COL25A1: variants seen among roughly 807,000 people sequenced by gnomAD.
COL25A1 encodes collagen alpha-1(XXV) chain.
Under a neutral mutation model 128.4 loss-of-function variants are expected in COL25A1, and 103 were observed. The ratio of observed to expected loss-of-function variants is 0.80; its 90% CI spans 0.68 to 0.94. The LOEUF (loss-of-function observed/expected upper bound fraction) is 0.94. Ranked by LOEUF, COL25A1 falls within the 40% of genes least tolerant of loss-of-function variation. The probability of loss-of-function intolerance (pLI) is 0.00; values close to 1 mark genes in which losing one functional copy is unlikely to be tolerated. For missense variants in COL25A1, 745 were observed against 840.0 expected (o/e 0.89, Z 1.40); for synonymous variants, 279 against 277.2 (o/e 1.01, Z -0.06).
At chr4:109,297,993 C>T (rs1024709004) in intron 3 of COL25A1, among the ~76,000 whole-genome samples, 3 of 147,008 alleles carry the variant, frequency 2.0e-5, no homozygotes, top group African/African-American at 7.5e-5. Context: ...TATCCAGGTC[C>T]AAAACCTATA....
At chr4:109,293,686 C>G (rs1250413685) in intron 3 of COL25A1, among the ~76,000 whole-genome samples, 2 of 152,046 alleles carry the variant, frequency 1.3e-5, no homozygotes, top group African/African-American at 4.8e-5. Context: ...CAAATAAGGT[C>G]TACATCTACT....
rs58240378 is a variant in COL25A1, at chr4:108,873,522, CTAGTAGTAG to C, written c.1021-4381_1021-4373del. Among the ~76,000 whole-genome samples the C allele has an allele frequency of 2.4e-3, 354 of 147,256 alleles. 3 individuals carry two copies. Among genetic ancestry groups the C allele is most frequent in the African/African-American group, 8.2e-3 (329 of 40,216 alleles). ...TTACAGGCTTACAAATGTTAGCTGT[CTAGTAGTAG>C]TAGTAGTAGTAGTAGTAGTAGTAGT... On this transcript the variant is annotated intron_variant, in intron 19 of 37. Transcript: ENST00000399132.
chr4:108,864,394 T>C (rs1295946262), intron 20 of COL25A1, among the ~76,000 whole-genome samples: 2 of 152,230 alleles, frequency 1.3e-5, no homozygotes, highest in African/African-American at 2.4e-5. Context: ...TTACCAATTC[T>C]GTGTTCTAGG....
intron 6 of COL25A1, among the ~76,000 whole-genome samples, chr4:109,002,113 A>C (rs1010310745): frequency 6.6e-6 from 1 of 152,218 alleles, no homozygotes; most frequent in Non-Finnish European, 1.5e-5. Context: ...GTTGGTAGGG[A>C]TGTCAATTAG....
chr4:108,913,048 T>C (rs1744420773), intron 13 of COL25A1, among the ~76,000 whole-genome samples: 1 of 152,088 alleles, frequency 6.6e-6, no homozygotes, highest in African/African-American at 2.4e-5. Context: ...CACTTAAAAT[T>C]GCACGAATCA....
chr4:109,030,702 G>A (rs1758765482), intron 5 of COL25A1, among the ~76,000 whole-genome samples: 3 of 152,112 alleles, frequency 2.0e-5, no homozygotes, highest in Admixed American at 1.3e-4. Flanking sequence ...AGGCTTCCAG[G>A]TGTACCACAA....
chr4:109,019,365 C>T (rs78074191), intron 5 of COL25A1, among the ~76,000 whole-genome samples: 4 of 8,544 alleles, frequency 4.7e-4, no homozygotes, highest in African/African-American at 1.2e-3. Flanking sequence ...CACACACACA[C>T]ACACACACAC....
At chr4:109,066,185 G>A (rs1762432328) in intron 3 of COL25A1, among the ~76,000 whole-genome samples, 2 of 152,166 alleles carry the variant, frequency 1.3e-5, no homozygotes, top group Admixed American at 1.3e-4. Flanking sequence ...TAAATCCAGA[G>A]CTGATTTGCA....
chr4:108,909,268 T>C (rs1291159558), intron 13 of COL25A1, among the ~76,000 whole-genome samples: 1 of 152,232 alleles, frequency 6.6e-6, no homozygotes, highest in Non-Finnish European at 1.5e-5. Context: ...ATTTCCTTAG[T>C]TATAATTTTG....
At chr4:109,136,105 A>G (rs1194641581) in intron 3 of COL25A1, among the ~76,000 whole-genome samples, 1 of 152,152 alleles carries the variant, frequency 6.6e-6, no homozygotes, top group Non-Finnish European at 1.5e-5. Flanking sequence ...ACATGATTTA[A>G]AATAATAATA....
chr4:109,196,440 T>C (rs1164869445), intron 3 of COL25A1, among the ~76,000 whole-genome samples: 1 of 152,206 alleles, frequency 6.6e-6, no homozygotes, highest in Non-Finnish European at 1.5e-5. Flanking sequence ...TAAATGTTTG[T>C]AAACATATAT....
At chr4:109,181,264 C>T (rs1404377717) in intron 3 of COL25A1, among the ~76,000 whole-genome samples, 1 of 152,108 alleles carries the variant, frequency 6.6e-6, no homozygotes, top group African/African-American at 2.4e-5. Flanking sequence ...GATCATCTCC[C>T]TGAAAATTCA....
At chr4:108,998,727 A>T (rs1278673239) in intron 6 of COL25A1, among the ~76,000 whole-genome samples, 1 of 152,240 alleles carries the variant, frequency 6.6e-6, no homozygotes, top group East Asian at 1.9e-4. Flanking sequence ...CTACAAGGCT[A>T]CAGTAACCAA....
chr4:109,138,771 C>A (rs1050033223), intron 3 of COL25A1, among the ~76,000 whole-genome samples: 1 of 152,004 alleles, frequency 6.6e-6, no homozygotes, highest in South Asian at 2.1e-4. Flanking sequence ...TGCAGTGGCA[C>A]GATCTCAGCT....
intron 8 of COL25A1, among the ~76,000 whole-genome samples, chr4:108,946,146 G>T (rs1048670427): frequency 6.6e-6 from 1 of 152,074 alleles, no homozygotes; most frequent in Non-Finnish European, 1.5e-5. Flanking sequence ...ATCTCACAAT[G>T]AATATTTTGA....
intron 3 of COL25A1, among the ~76,000 whole-genome samples, chr4:109,208,535 G>C (rs943295249): frequency 2.7e-5 from 4 of 150,370 alleles, no homozygotes; most frequent in African/African-American, 4.9e-5. Flanking sequence ...TTAAAAACAG[G>C]AATTTTTCTC....
chr4:109,032,866 G>C (rs1051634615), intron 5 of COL25A1, among the ~76,000 whole-genome samples: 2 of 152,198 alleles, frequency 1.3e-5, no homozygotes, highest in Non-Finnish European at 2.9e-5. Context: ...GAGTCTACTG[G>C]GGAGAGAATA....
At chr4:108,889,580 T>G in intron 17 of COL25A1, 121 bp downstream of exon 17, 1 of 840,130 alleles carries the variant, frequency 1.2e-6, no homozygotes, top group Non-Finnish European at 1.9e-6. Context: ...GCCCAGTTAT[T>G]GTAGGAGAAT....
At chr4:108,939,599 T>C (rs1051922388) in intron 10 of COL25A1, among the ~76,000 whole-genome samples, 1 of 152,028 alleles carries the variant, frequency 6.6e-6, no homozygotes, top group Non-Finnish European at 1.5e-5. Context: ...AAGAAAAAAA[T>C]ATTTTTTTCT....
Sources: gnomAD v4.1 joint callset for allele counts (sites outside exome capture counted in the v4.1 genomes callset) on GRCh38, gnomAD v4.1.1 for gene constraint, MANE v1.5 for transcripts, NCBI Gene and HGNC (gene_info 2026-07-23, HGNC 2026-07-21) for gene names.